SLC6A11: variants seen among roughly 807,000 people sequenced by gnomAD.
SLC6A11 encodes solute carrier family 6 member 11, also known as sodium- and chloride-dependent GABA transporter 3.
A neutral mutation model predicts 74.8 loss-of-function variants in SLC6A11; 25 were observed. That is an observed-to-expected ratio of 0.33 (90% CI 0.24 to 0.47). The LOEUF (loss-of-function observed/expected upper bound fraction) is 0.47. Among genes scored for constraint, SLC6A11 ranks in the 20% least tolerant of loss-of-function variants. The pLI is 1.00. For synonymous variants in SLC6A11, 330 were observed against 330.2 expected, an observed-to-expected ratio of 1.00 and a Z score of 0.01; for missense variants, 574 against 837.0, an observed-to-expected ratio of 0.69 and a Z score of 3.88.
intron 6 of SLC6A11, among the ~76,000 whole-genome samples, chr3:10,883,091 C>T (rs112038724): frequency 1.1e-4 from 17 of 152,292 alleles, no homozygotes; most frequent in Admixed American, 5.9e-4. Context: ...AACTTGGAAC[C>T]GAGGACCTTT....
chr3:10,838,116 C>T (rs1694390261), intron 4 of SLC6A11, among the ~76,000 whole-genome samples: 2 of 152,208 alleles, frequency 1.3e-5, no homozygotes, highest in African/African-American at 4.8e-5. Context: ...GCTCCGTGCA[C>T]GACATGAAGA....
At chr3:10,902,438 G>C (rs1254633484) in intron 6 of SLC6A11, among the ~76,000 whole-genome samples, 1 of 152,240 alleles carries the variant, frequency 6.6e-6, no homozygotes, top group Non-Finnish European at 1.5e-5. Context: ...GGGAAGCTGG[G>C]ATGTTGGAAA....
At chr3:10,844,575 A>G (rs949697276) in intron 5 of SLC6A11, among the ~76,000 whole-genome samples, 2 of 152,188 alleles carry the variant, frequency 1.3e-5, no homozygotes. Flanking sequence ...CTATGAGATA[A>G]TAAAGCCTTG....
At chr3:10,831,589 C>T (rs985857659) in intron 4 of SLC6A11, among the ~76,000 whole-genome samples, 9 of 152,080 alleles carry the variant, frequency 5.9e-5, no homozygotes, top group Admixed American at 5.9e-4. Context: ...ACAGATTACC[C>T]AGGAGTGGGA....
intron 6 of SLC6A11, among the ~76,000 whole-genome samples, chr3:10,901,388 G>A (rs961863759): frequency 2.6e-5 from 4 of 152,256 alleles, no homozygotes; most frequent in African/African-American, 4.8e-5. Context: ...CACCGGGGTC[G>A]GCCTACACAC....
chr3:10,901,800 G>C (rs938745533), intron 6 of SLC6A11, among the ~76,000 whole-genome samples: 7 of 152,324 alleles, frequency 4.6e-5, no homozygotes, highest in South Asian at 2.1e-4. Flanking sequence ...AGGAGCAAGG[G>C]CGCCTAGCAA....
chr3:10,861,449 C>G (rs534413698), intron 5 of SLC6A11, among the ~76,000 whole-genome samples: 10 of 152,020 alleles, frequency 6.6e-5, no homozygotes, highest in Non-Finnish European at 1.3e-4. Context: ...CCCAGGAAGT[C>G]AAGACTGCAG....
intron 5 of SLC6A11, among the ~76,000 whole-genome samples, chr3:10,847,581 A>G (rs1204060721): frequency 1.3e-5 from 2 of 152,130 alleles, no homozygotes; most frequent in Non-Finnish European, 2.9e-5. Context: ...AGGCTCAGAG[A>G]GTGGAAGAGC....
At chr3:10,933,112 G>A (rs751717050) in intron 10 of SLC6A11, 39 bp from the exon 11 acceptor site, 19 of 1,467,792 alleles carry the variant, frequency 1.3e-5, no homozygotes, top group South Asian at 6.8e-5. Flanking sequence ...CCGTGTGTCC[G>A]TTCACCTCCC....
intron 13 of SLC6A11, among the ~76,000 whole-genome samples, chr3:10,936,213 G>A (rs555398791): frequency 1.3e-5 from 2 of 152,330 alleles, no homozygotes; most frequent in South Asian, 2.1e-4. Flanking sequence ...ATCCTAGGGG[G>A]GTGGAGATTC....
intron 8 of SLC6A11, among the ~76,000 whole-genome samples, chr3:10,921,465 A>G (rs974391207): frequency 1.3e-5 from 2 of 152,224 alleles, no homozygotes; most frequent in Admixed American, 6.5e-5. Flanking sequence ...GAGAAAAATA[A>G]TAAGAGGTAG....
chr3:10,846,262 T>A (rs1047054725), intron 5 of SLC6A11, among the ~76,000 whole-genome samples: 2 of 152,240 alleles, frequency 1.3e-5, no homozygotes, highest in Non-Finnish European at 2.9e-5. Context: ...AAACACAGCC[T>A]CTTCCCTACC....
At chr3:10,924,081 G>A (rs897576635) in intron 8 of SLC6A11, among the ~76,000 whole-genome samples, 2 of 152,004 alleles carry the variant, frequency 1.3e-5, no homozygotes, top group African/African-American at 2.4e-5. Context: ...AGACTAAAGA[G>A]ATACAACCAA....
At chr3:10,866,676 A>C (rs1694766495) in intron 5 of SLC6A11, among the ~76,000 whole-genome samples, 1 of 152,224 alleles carries the variant, frequency 6.6e-6, no homozygotes. Flanking sequence ...TGCATTGTTA[A>C]AATACCATTA....
chr3:10,821,442 C>A (rs959309007), intron 3 of SLC6A11, among the ~76,000 whole-genome samples: 1 of 152,182 alleles, frequency 6.6e-6, no homozygotes. Context: ...GAATGCAACA[C>A]ACCATAGGAA....
chr3:10,911,013 G>C (rs961918562), intron 6 of SLC6A11, among the ~76,000 whole-genome samples: 2 of 151,948 alleles, frequency 1.3e-5, no homozygotes, highest in African/African-American at 2.4e-5. Flanking sequence ...GTACAGACAG[G>C]GTTTCGCCAT....
At chr3:10,841,883 C>G (rs1181195221) in intron 4 of SLC6A11, among the ~76,000 whole-genome samples, 1 of 152,198 alleles carries the variant, frequency 6.6e-6, no homozygotes, top group Non-Finnish European at 1.5e-5. Flanking sequence ...TCAGTAGGGA[C>G]CTCGTGTGTT....
intron 4 of SLC6A11, among the ~76,000 whole-genome samples, chr3:10,828,442 T>C (rs1694245992): frequency 6.6e-6 from 1 of 152,172 alleles, no homozygotes; most frequent in Non-Finnish European, 1.5e-5. Flanking sequence ...TTAATTGATT[T>C]TCTTTGGACA....
chr3:10,916,816 A>G (rs1695462346), intron 7 of SLC6A11, among the ~76,000 whole-genome samples: 2 of 152,214 alleles, frequency 1.3e-5, no homozygotes, highest in Non-Finnish European at 2.9e-5. Context: ...TTGTATAGCC[A>G]GTGAGATCAG....
Sources: allele counts gnomAD v4.1 joint callset (sites outside exome capture counted in the v4.1 genomes callset), GRCh38; gene constraint gnomAD v4.1.1; transcripts MANE v1.5; gene names NCBI Gene and HGNC (gene_info 2026-07-23, HGNC 2026-07-21).